Variants in SEMA3F observed in about 807,000 individuals in gnomAD.
The protein encoded by SEMA3F is semaphorin-3F.
Under a neutral mutation model 98.5 loss-of-function variants are expected in SEMA3F, and 30 were observed. The observed-to-expected ratio is 0.30, with a 90% confidence interval of 0.23 to 0.41. The LOEUF is 0.41. Among genes scored for constraint, SEMA3F ranks in the 10% least tolerant of loss-of-function variants. The probability of loss-of-function intolerance (pLI) is 1.00; values close to 1 mark genes in which losing one functional copy is unlikely to be tolerated. For synonymous variants in SEMA3F, 380 were observed against 444.8 expected (o/e 0.85, Z 1.83); for missense variants, 866 against 1,119.3 (o/e 0.77, Z 3.23).
At chr3:50,186,127 A>T (rs1699201523) in intron 16 of SEMA3F, 81 bp downstream of exon 16, 1 of 1,503,184 alleles carries the variant, frequency 6.7e-7, no homozygotes, top group Non-Finnish European at 9.1e-7. Flanking sequence ...ATGTGATATT[A>T]CCCGGGGTGC....
chr3:50,186,238 C>G (rs1258257466), intron 16 of SEMA3F, 43 bp from the exon 17 acceptor site: 14 of 1,598,024 alleles, frequency 8.8e-6, no homozygotes, highest in Non-Finnish European at 1.2e-5. Flanking sequence ...CCTGGGGGGG[C>G]AAGCTTCCTG....
chr3:50,187,862 T>C lies in SEMA3F; in HGVS notation c.2105T>C (p.Val702Ala), dbSNP rs1699287120. Residue 702 changes from valine (V) to alanine (A), a missense_variant, in exon 19 of 19, where the codon GTC (valine) becomes GCC (alanine). Val to Ala is a moderately conservative substitution (Grantham distance 64). Around this residue, in one of 3 missense-constraint regions of SEMA3F, gnomAD observed 245 missense variants for 260.5 expected, o/e 0.94. Transcript: ENST00000002829. ...CTGCATGTACTGGGCCGGGACGCCG[T>C]CCATGCTGCCCTCTTCCCACCACTG... ...VQLHVLGRDAVHAALFPPLSM... is the reference protein window; with the variant it reads ...VQLHVLGRDAAHAALFPPLSM... 6.2e-7 allele frequency: 1 copy of C among 1,613,006 alleles called. No individual in the cohort carries two copies. The highest frequency in any genetic ancestry group is 1.3e-5 in the African/African-American group (1 of 74,900).
intron 2 of SEMA3F, among the ~76,000 whole-genome samples, chr3:50,164,000 G>C (rs537989179): frequency 5.3e-5 from 8 of 152,336 alleles, no homozygotes; most frequent in African/African-American, 1.9e-4. Flanking sequence ...GAGTTGGGAG[G>C]TCCTGGAAGC....
Position 50,187,774 on chromosome 3 carries a change from C to T in SEMA3F, c.2017C>T (p.Arg673Cys). 2.5e-6 allele frequency: 4 copies of T among 1,613,304 alleles called. No individual in the cohort carries two copies. Among genetic ancestry groups the T allele is most frequent in the East Asian group, 2.2e-5 (1 of 44,870 alleles). ...GCTCCGTGCACTGCAGCTCAGCGATCGTGGCCTCTACTCCTGCACAGCCAC... is the reference window on the plus strand; with the variant it reads ...GCTCCGTGCACTGCAGCTCAGCGATTGTGGCCTCTACTCCTGCACAGCCAC... ...LLLRALQLSD[R>C]GLYSCTATEN... Residue 673 changes from arginine to cysteine, a missense_variant, in exon 19 of 19, where the codon CGT becomes TGT. Around this residue, in one of 3 missense-constraint regions of SEMA3F, gnomAD observed 245 missense variants for 260.5 expected, o/e 0.94. Transcript: ENST00000002829.
At position 50,158,042 on chromosome 3, in the gene SEMA3F, G is replaced by A. The variant is rs949011103; in HGVS notation, c.-48-1533G>A. On this transcript the variant is annotated intron_variant, in intron 1 of 18. Transcript: ENST00000002829. The surrounding 1 kb of genome is among the most constrained non-coding windows in gnomAD (Gnocchi z 4.8). ...TGTAAGGACGTGTGTGGGCCTGCAA[G>A]TGTGAACGTGTGCATATCCACAGCT... is the stretch of plus-strand genomic sequence containing the variant. 7.9e-5 allele frequency among the ~76,000 whole-genome samples: 12 copies of A among 152,336 alleles called. No homozygotes were observed. Among genetic ancestry groups the A allele is most frequent in the Middle Eastern group, 3.4e-3 (1 of 294 alleles).
At chr3:50,187,465 C>CA (rs1441245987) in intron 18 of SEMA3F, among the ~76,000 whole-genome samples, 1 of 148,580 alleles carries the variant, frequency 6.7e-6, no homozygotes, top group African/African-American at 2.5e-5. Flanking sequence ...GTGTGTGCTT[C>CA]AAATTTTCCT....
chr3:50,158,621 G>A lies in SEMA3F; in HGVS notation c.-48-954G>A, dbSNP rs543129331. ...TACACAGGGCAGATCTGGGGGATGG[G>A]GCTCACATTTTCAGTCTCGATGCCC... is the stretch of plus-strand genomic sequence containing the variant. On this transcript the variant is annotated intron_variant, in intron 1 of 18. Transcript: ENST00000002829. This position sits in a 1 kb window ranked among gnomAD's most constrained non-coding sequence, Gnocchi z 4.8. Among the ~76,000 whole-genome samples the A allele has an allele frequency of 3.9e-5, 6 of 152,306 alleles. No homozygotes were observed. The East Asian group carries it at 1.2e-3, about 29-fold the overall frequency.
intron 1 of SEMA3F, among the ~76,000 whole-genome samples, chr3:50,157,728 T>C (rs758405483): frequency 2.0e-5 from 3 of 152,168 alleles, no homozygotes; most frequent in Non-Finnish European, 4.4e-5. Context: ...AGCATTTGGA[T>C]GGGAAGTCCC....
chr3:50,186,551 G>A (rs1253246890), intron 17 of SEMA3F, 62 bp from the exon 18 acceptor site: 25 of 1,554,832 alleles, frequency 1.6e-5, no homozygotes, highest in African/African-American at 5.4e-5. Flanking sequence ...TGCCTGCCCC[G>A]AAGCAGTCAG....
At chr3:50,163,386 TA>T (rs1326131821) in intron 2 of SEMA3F, among the ~76,000 whole-genome samples, 1 of 152,172 alleles carries the variant, frequency 6.6e-6, no homozygotes, top group African/African-American at 2.4e-5. Context: ...CATCAGGGCC[TA>T]AGAGAGGAAA....
chr3:50,156,426 A>G lies in SEMA3F; in HGVS notation c.-49+862A>G, dbSNP rs1697986405. On this transcript the variant is annotated intron_variant, in intron 1 of 18. Coordinates refer to ENST00000002829, the MANE Select transcript of SEMA3F (RefSeq NM_004186.5). This position sits in a 1 kb window ranked among gnomAD's most constrained non-coding sequence, Gnocchi z 4.5. The stretch of plus-strand genomic sequence containing the variant: ...GATAGCTGTGTTTTGCCACCAGAAC[A>G]TTACTGCTTGGGAGAGGTAAGGGAG... Among the ~76,000 whole-genome samples, 1 of 152,212 alleles carries G rather than the reference A, an allele frequency of 6.6e-6. No individual in the cohort carries two copies. The highest frequency in any genetic ancestry group is 2.1e-4 in the South Asian group (1 of 4,832).
chr3:50,176,667 T>C, intron 6 of SEMA3F, 101 bp from the exon 7 acceptor site: 1 of 832,926 alleles, frequency 1.2e-6, no homozygotes, highest in Non-Finnish European at 2.0e-6. Flanking sequence ...GGGCTCGGGG[T>C]ATGCCTGGGG....
chr3:50,160,816 C>T (rs542492312), intron 2 of SEMA3F, among the ~76,000 whole-genome samples: 1 of 152,302 alleles, frequency 6.6e-6, no homozygotes, highest in Admixed American at 6.5e-5. Flanking sequence ...CTGGCCTCGT[C>T]CCACCCTGCC....
rs1182271404 is a variant in SEMA3F at position 50,187,742 on chromosome 3, G to T, written c.1985G>T (p.Gly662Val). 6.2e-7 allele frequency: 1 copy of T among 1,611,428 alleles called. No homozygotes were observed. The highest frequency in any genetic ancestry group is 8.5e-7 in the Non-Finnish European group (1 of 1,178,702). Residue 662 changes from glycine to valine, a missense_variant, in exon 19 of 19, where the codon GGC (glycine) becomes GTC (valine). By Grantham distance (109) the Gly-to-Val change is moderately radical. Around this residue, in one of 3 missense-constraint regions of SEMA3F, gnomAD observed 245 missense variants for 260.5 expected, o/e 0.94. Coordinates refer to ENST00000002829, the MANE Select transcript of SEMA3F (RefSeq NM_004186.5). ...AEDRFLRTEQ[G>V]LLLRALQLSD... ...GACCGCTTCCTGCGCACAGAGCAGG[G>T]CTTGTTGCTCCGTGCACTGCAGCTC... is the stretch of plus-strand genomic sequence containing the variant.
Position 50,166,662 on chromosome 3 carries a change from T to G in SEMA3F, c.112+6928T>G, listed in dbSNP as rs1390882029. Among the ~76,000 whole-genome samples, 2 of 151,852 alleles carry G rather than the reference T, an allele frequency of 1.3e-5. No individual in the cohort carries two copies. The highest frequency in any genetic ancestry group is 2.9e-5 in the Non-Finnish European group (2 of 67,980). On this transcript the variant is annotated intron_variant, in intron 2 of 18. Transcript: ENST00000002829. The surrounding 1 kb of genome is among the most constrained non-coding windows in gnomAD (Gnocchi z 4.7). Reference sequence around the variant, plus strand: ...CATCCCGGGAATCTCTGGGTGGGTGTTGTGAAGGGGCTGCAGGGACCGCAG... The same window carrying G: ...CATCCCGGGAATCTCTGGGTGGGTGGTGTGAAGGGGCTGCAGGGACCGCAG...
In SEMA3F at chr3:50,187,875, C is replaced by T. The variant is rs763244446; in HGVS notation, c.2118C>T (p.Leu706=). The T allele has an allele frequency of 2.5e-6, 4 of 1,612,386 alleles. No homozygotes were observed. The highest frequency in any genetic ancestry group is 3.4e-6 in the Non-Finnish European group (4 of 1,179,340). ...VLGRDAVHAA[L]FPPLSMSAPP... Reference sequence around the variant, plus strand: ...GCCGGGACGCCGTCCATGCTGCCCTCTTCCCACCACTGTCCATGAGCGCCC... The same window carrying T: ...GCCGGGACGCCGTCCATGCTGCCCTTTTCCCACCACTGTCCATGAGCGCCC... The change falls in exon 19 of 19, where the codon CTC becomes CTT. Residue 706 remains leucine, a synonymous_variant. Transcript: ENST00000002829.
intron 6 of SEMA3F, 116 bp downstream of exon 6, chr3:50,175,304 A>G (rs577543980): frequency 1.4e-6 from 1 of 716,476 alleles, no homozygotes. Context: ...CTGTGCCCAC[A>G]CCCTGTCCCC....
chr3:50,172,236 A>G (rs1487674723), intron 2 of SEMA3F, among the ~76,000 whole-genome samples: 1 of 152,180 alleles, frequency 6.6e-6, no homozygotes, highest in Non-Finnish European at 1.5e-5. Context: ...CGCCATGTGC[A>G]TGCCTGTGCC....
chr3:50,171,447 T>G (rs777550358), intron 2 of SEMA3F, among the ~76,000 whole-genome samples: 15 of 152,172 alleles, frequency 9.9e-5, no homozygotes, highest in East Asian at 1.9e-4. Context: ...TGGCTGAAGC[T>G]TCCCCTTACC....
Sources: gnomAD v4.1 joint callset for allele counts (sites outside exome capture counted in the v4.1 genomes callset) on GRCh38, gnomAD v4.1.1 for gene constraint, gnomAD v4.1.1 regional missense constraint, Gnocchi (gnomAD v3.1) non-coding constraint, MANE v1.5 for transcripts, NCBI Gene and HGNC (gene_info 2026-07-23, HGNC 2026-07-21) for gene names.